The following MROH9 variants were observed in gnomAD, a reference collection of about 807,000 sequenced individuals.
MROH9 encodes maestro heat like repeat family member 9.
Under a neutral mutation model 98.2 loss-of-function variants are expected in MROH9, and 92 were observed. The ratio of observed to expected loss-of-function variants is 0.94; its 90% CI spans 0.79 to 1.11. MROH9 has a LOEUF of 1.11. MROH9 is among the 50% of genes most tolerant of loss of function. MROH9 has a pLI of 0.00. For synonymous variants in MROH9, 397 were observed against 368.9 expected (o/e 1.08, Z -0.87); for missense variants, 1,057 against 1,014.8 (o/e 1.04, Z -0.57).
intron 20 of MROH9, among the ~76,000 whole-genome samples, chr1:171,043,151 C>G (rs1194412776): frequency 6.6e-6 from 1 of 152,050 alleles, no homozygotes; most frequent in African/African-American, 2.4e-5. Context: ...TCCATTTTGG[C>G]TTGATTCTTG....
chr1:171,004,355 C>T (rs1168540483), intron 15 of MROH9, among the ~76,000 whole-genome samples: 1 of 152,144 alleles, frequency 6.6e-6, no homozygotes, highest in Non-Finnish European at 1.5e-5. Flanking sequence ...TGGCCACCCT[C>T]CTGATGGATC....
At chr1:170,958,171 G>A (rs889910085) in intron 3 of MROH9, among the ~76,000 whole-genome samples, 38 of 151,440 alleles carry the variant, frequency 2.5e-4, no homozygotes, top group African/African-American at 4.9e-5. Context: ...TTATAGTGGT[G>A]TACAGAAGTG....
At chr1:170,969,140 T>C (rs1391043271) in intron 7 of MROH9, among the ~76,000 whole-genome samples, 2 of 152,212 alleles carry the variant, frequency 1.3e-5, no homozygotes, top group Non-Finnish European at 2.9e-5. Context: ...AAAGTGTTCA[T>C]TGCAGCAAAA....
intron 20 of MROH9, among the ~76,000 whole-genome samples, chr1:171,025,644 CA>C (rs1317941943): frequency 6.6e-6 from 1 of 152,094 alleles, no homozygotes; most frequent in Non-Finnish European, 1.5e-5. Flanking sequence ...ATGTGTTCAG[CA>C]AAATGGATTT....
At chr1:171,048,846 C>T (rs77266062) in intron 20 of MROH9, among the ~76,000 whole-genome samples, 10,251 of 152,194 alleles carry the variant, frequency 0.067, 1,165 homozygotes, top group African/African-American at 0.23. Context: ...GGACCAAGGG[C>T]TCTTCAGTTA....
At chr1:171,038,453 C>T (rs1256161638) in intron 20 of MROH9, among the ~76,000 whole-genome samples, 1 of 152,132 alleles carries the variant, frequency 6.6e-6, no homozygotes, top group East Asian at 1.9e-4. Flanking sequence ...CAAAATCTAT[C>T]AAAATGTGAA....
intron 17 of MROH9, among the ~76,000 whole-genome samples, chr1:171,020,833 T>A (rs1652493740): frequency 1.3e-5 from 2 of 152,030 alleles, no homozygotes; most frequent in South Asian, 4.1e-4. Flanking sequence ...TGTCTCTGTT[T>A]GTGGACATGA....
Position 170,986,711 on chromosome 1 carries a change from G to T in MROH9, c.879+1G>T. The stretch of plus-strand genomic sequence containing the variant: ...ATTTCATGCCGAGAAGGTCACCATG[G>T]TAAGATACTTGACAATAAGCAGGAG... On this transcript the variant is annotated splice_donor_variant, in intron 10 of 21. Transcript: ENST00000367759. LOFTEE classifies it high-confidence loss of function. 1.2e-6 allele frequency: 2 copies of T among 1,613,220 alleles called. No homozygotes were observed. Among genetic ancestry groups the T allele is most frequent in the Non-Finnish European group, 1.7e-6 (2 of 1,179,522 alleles).
rs1195437383 is a variant in MROH9 at position 170,967,952 on chromosome 1, C to A, written c.480+2697C>A. Among the ~76,000 whole-genome samples the A allele has an allele frequency of 7.9e-5, 12 of 152,190 alleles. No homozygotes were observed. In the East Asian group the frequency reaches 2.1e-3, roughly 27 times the overall value. Reference sequence around the variant, plus strand: ...ATCTCCTTCTCCTCCAGAGTCCCCACAAAATGATGGTAATAAAATATTTTA... The same window carrying A: ...ATCTCCTTCTCCTCCAGAGTCCCCAAAAAATGATGGTAATAAAATATTTTA... On this transcript the variant is annotated intron_variant, in intron 7 of 21. Transcript: ENST00000367759.
Position 170,959,489 on chromosome 1 carries a change from A to G in MROH9, c.180A>G (p.Glu60=). The part of the protein sequence containing the change: ...SSFVDPLLQF[E]SQLKIIESSF... The stretch of plus-strand genomic sequence containing the variant: ...TTGTGGATCCCTTACTGCAGTTTGA[A>G]TCTCAGTTGAAGATAATAGAGTCAT... Residue 60 remains glutamate, a synonymous_variant, in exon 5 of 22, where the codon GAA becomes GAG. Coordinates refer to ENST00000367759, the MANE Select transcript of MROH9 (RefSeq NM_001163629.2). 3 of 1,611,712 alleles carry G rather than the reference A, an allele frequency of 1.9e-6. No individual in the cohort carries two copies. Among genetic ancestry groups the G allele is most frequent in the Non-Finnish European group, 2.5e-6 (3 of 1,179,054 alleles).
chr1:170,986,500 T>G, intron 9 of MROH9, 61 bp from the exon 10 acceptor site: 1 of 1,540,488 alleles, frequency 6.5e-7, no homozygotes, highest in Admixed American at 1.9e-5. Flanking sequence ...ATGTCTGAGT[T>G]TAGCTGTCTT....
intron 20 of MROH9, among the ~76,000 whole-genome samples, chr1:171,043,455 T>A (rs1653370877): frequency 6.6e-6 from 1 of 152,160 alleles, no homozygotes; most frequent in South Asian, 2.1e-4. Flanking sequence ...GCTTTGGCTA[T>A]TCTGGGTCTT....
chr1:171,041,404 T>G (rs1653297164), intron 20 of MROH9, among the ~76,000 whole-genome samples: 2 of 32,440 alleles, frequency 6.2e-5, no homozygotes, highest in Non-Finnish European at 8.0e-5. Context: ...TTGGTCAAGA[T>G]ACATACACAC....
intron 17 of MROH9, among the ~76,000 whole-genome samples, chr1:171,021,567 C>T (rs1045511249): frequency 2.6e-5 from 4 of 151,876 alleles, no homozygotes; most frequent in South Asian, 2.1e-4. Flanking sequence ...TGCAGAAAAC[C>T]GAAACTGGAC....
intron 15 of MROH9, among the ~76,000 whole-genome samples, chr1:171,011,006 G>A (rs895074060): frequency 2.6e-5 from 4 of 152,164 alleles, no homozygotes; most frequent in African/African-American, 9.7e-5. Flanking sequence ...TTTTAGACAT[G>A]AAGTTTTGCC....
chr1:170,981,747 A>G (rs535156041), intron 8 of MROH9, among the ~76,000 whole-genome samples: 2 of 152,036 alleles, frequency 1.3e-5, no homozygotes, highest in South Asian at 4.2e-4. Flanking sequence ...AAGAAATAAA[A>G]AAAAAAAACT....
intron 18 of MROH9, 24 bp downstream of exon 18, chr1:171,024,571 C>T (rs1337152174): frequency 7.9e-6 from 12 of 1,521,456 alleles, no homozygotes; most frequent in Admixed American, 4.5e-5. Flanking sequence ...TCTTCTTTTT[C>T]ATAAATTTAC....
chr1:170,999,070 T>C (rs962485955), intron 15 of MROH9, among the ~76,000 whole-genome samples: 4 of 152,182 alleles, frequency 2.6e-5, no homozygotes, highest in African/African-American at 9.6e-5. Flanking sequence ...TTAATTTTAC[T>C]GCGTGACTCA....
intron 7 of MROH9, among the ~76,000 whole-genome samples, chr1:170,967,220 G>A (rs577349160): frequency 2.6e-5 from 4 of 152,132 alleles, no homozygotes; most frequent in South Asian, 4.2e-4. Context: ...CCTATTACTC[G>A]GTTCTGCAAT....
Sources: allele counts gnomAD v4.1 joint callset (sites outside exome capture counted in the v4.1 genomes callset), GRCh38; gene constraint gnomAD v4.1.1; transcripts MANE v1.5; gene names NCBI Gene and HGNC (gene_info 2026-07-23, HGNC 2026-07-21).